Variants in RNFT2 observed in about 807,000 individuals in gnomAD.
The protein encoded by RNFT2 is E3 ubiquitin-protein ligase RNFT2.
RNFT2 carries 36 observed loss-of-function variants against 53.0 expected under a neutral mutation model. The ratio of observed to expected loss-of-function variants is 0.68; its 90% confidence interval spans 0.52 to 0.90. The LOEUF (loss-of-function observed/expected upper bound fraction) is 0.90, where lower values mean the gene tolerates loss of function less well. Among genes scored for constraint, RNFT2 ranks in the 40% least tolerant of loss-of-function variants. The probability of loss-of-function intolerance (pLI) is 0.00; values close to 1 mark genes in which losing one functional copy is unlikely to be tolerated. For missense variants in RNFT2, 514 were observed against 585.6 expected (o/e 0.88, Z 1.26); for synonymous variants, 260 against 253.2 (o/e 1.03, Z -0.26).
intron 7 of RNFT2, among the ~76,000 whole-genome samples, chr12:116,782,674 C>T (rs1393670937): frequency 6.6e-6 from 1 of 152,160 alleles, no homozygotes; most frequent in African/African-American, 2.4e-5. Context: ...ATTCCTTGTA[C>T]TTCACACTCA....
chr12:116,800,863 A>AAAATAAATAAAATAAAATAAAATAT (rs34964792), intron 7 of RNFT2, among the ~76,000 whole-genome samples: 1 of 42,586 alleles, frequency 2.3e-5, no homozygotes, highest in African/African-American at 5.0e-5. Context: ...TAAAATAAAA[A>AAAATAAATAAAATAAAATAAAATAT]CCATTTAACA....
rs374122339 is a variant in RNFT2, at chr12:116,780,029, T to A, written c.882+681T>A. 3.3e-5 allele frequency among the ~76,000 whole-genome samples: 5 copies of A among 151,914 alleles called. No homozygotes were observed. In the East Asian group the frequency reaches 5.8e-4, roughly 18 times the overall value. On this transcript the variant is annotated intron_variant, in intron 7 of 10. Transcript: ENST00000257575. ...CAGGTGGACTAAAGAGTGTTTGAAG[T>A]CTCCTGCTTTCCATTCTGTAAAAAC...
At chr12:116,804,833 G>T (rs1280891541) in intron 7 of RNFT2, among the ~76,000 whole-genome samples, 1 of 152,150 alleles carries the variant, frequency 6.6e-6, no homozygotes, top group African/African-American at 2.4e-5. Flanking sequence ...CAGGCATGGT[G>T]GTACATGCCT....
intron 2 of RNFT2, 107 bp downstream of exon 2, chr12:116,740,628 G>A: frequency 9.7e-7 from 1 of 1,029,844 alleles, no homozygotes; most frequent in African/African-American, 1.6e-5. Flanking sequence ...GTAACACATG[G>A]GGAATCTGAA....
intron 5 of RNFT2, among the ~76,000 whole-genome samples, chr12:116,766,568 G>A (rs970832652): frequency 2.6e-5 from 4 of 152,132 alleles, no homozygotes; most frequent in African/African-American, 7.2e-5. Context: ...AGTCTGCTGC[G>A]AACCATGGTG....
rs1877983900 is a variant in RNFT2 at position 116,852,640 on chromosome 12, C to T, written c.*3192C>T. 1 of 1,614,024 alleles carries T rather than the reference C, an allele frequency of 6.2e-7. No homozygotes were observed. Among genetic ancestry groups the T allele is most frequent in the African/African-American group, 1.3e-5 (1 of 75,058 alleles). ...ACTGGTTTTTATCGGAAAGATCATC[C>T]TGCCTGCAGATGCTGTTGAAGGGGC... On this transcript the variant is annotated 3_prime_UTR_variant, in exon 11 of 11. Transcript: ENST00000257575.
At chr12:116,798,534 G>A (rs1395444580) in intron 7 of RNFT2, among the ~76,000 whole-genome samples, 1 of 152,068 alleles carries the variant, frequency 6.6e-6, no homozygotes, top group Non-Finnish European at 1.5e-5. Context: ...TGTAAAATGG[G>A]ATCATAATAG....
Position 116,741,036 on chromosome 12 carries a change from G to A in RNFT2, c.25G>A (p.Val9Met). Reference protein sequence around the residue: MWLFTVNQVLRKMQRRHSS... With the variant: MWLFTVNQMLRKMQRRHSS... ...GGCTCACCCATGTGTTGGGTTTTAG[G>A]TGTTAAGGAAGATGCAGAGACGCCA... Residue 9 changes from valine (V) to methionine (M), a missense_variant and splice_region_variant, in exon 3 of 11, where the codon GTG becomes ATG. Transcript: ENST00000257575. 6.2e-7 allele frequency: 1 copy of A among 1,610,236 alleles called. No homozygotes were observed. Among genetic ancestry groups the A allele is most frequent in the Non-Finnish European group, 8.5e-7 (1 of 1,178,188 alleles).
chr12:116,836,584 G>C (rs922086338), intron 10 of RNFT2, among the ~76,000 whole-genome samples: 3 of 152,022 alleles, frequency 2.0e-5, no homozygotes, highest in African/African-American at 7.2e-5. Context: ...ACCCCCTGTG[G>C]GTCAGTCACT....
At chr12:116,836,834 G>A (rs1876999642) in intron 10 of RNFT2, among the ~76,000 whole-genome samples, 1 of 152,066 alleles carries the variant, frequency 6.6e-6, no homozygotes, top group South Asian at 2.1e-4. Flanking sequence ...GGAAGCTGAG[G>A]CAGGAGAATT....
intron 10 of RNFT2, among the ~76,000 whole-genome samples, chr12:116,841,858 AAT>A (rs1381874005): frequency 4.1e-5 from 1 of 24,452 alleles, no homozygotes; most frequent in East Asian, 7.5e-4. Context: ...TATATATAAA[AAT>A]ATATATATAA....
rs10637816 is a variant in RNFT2 at position 116,745,173 on chromosome 12, A to ATTTT, written c.83+4095_83+4098dup. Among the ~76,000 whole-genome samples, 19 of 125,038 alleles carry ATTTT rather than the reference A, an allele frequency of 1.5e-4. 1 individual carries two copies. The highest frequency in any genetic ancestry group is 2.6e-4 in the Admixed American group (3 of 11,530). 82.0% of individuals were successfully genotyped at this position (125,038 alleles called of 152,430 possible). On this transcript the variant is annotated intron_variant, in intron 3 of 10. Transcript: ENST00000257575. Reference sequence around the variant, plus strand: ...TCGTGAGTTTCCTCCATTGCACCAGATTTTTTTTTTTTTTTTTTTGAGATA... The same window carrying ATTTT: ...TCGTGAGTTTCCTCCATTGCACCAGATTTTTTTTTTTTTTTTTTTTTTTGAGATA...
intron 7 of RNFT2, among the ~76,000 whole-genome samples, chr12:116,802,399 C>T (rs973501783): frequency 1.3e-5 from 2 of 152,150 alleles, no homozygotes; most frequent in Non-Finnish European, 2.9e-5. Context: ...TGGAAACCAG[C>T]CATGCCCATT....
Position 116,833,884 on chromosome 12 carries a change from C to G in RNFT2, c.975C>G (p.Asp325Glu), listed in dbSNP as rs376955759. The G allele has an allele frequency of 4.2e-5, 68 of 1,613,194 alleles. No individual in the cohort carries two copies. The highest frequency in any genetic ancestry group is 5.3e-5 in the Non-Finnish European group (63 of 1,179,638). ...QLWYKYIMGD[D>E]SSNSYFLGGV... Reference sequence around the variant, plus strand: ...GGTACAAATACATCATGGGTGACGACTCCTCCAACAGCTACTTCCTGGGCG... The same window carrying G: ...GGTACAAATACATCATGGGTGACGAGTCCTCCAACAGCTACTTCCTGGGCG... Residue 325 changes from aspartate to glutamate, a missense_variant, in exon 8 of 11, where the codon GAC (aspartate) becomes GAG (glutamate). By Grantham distance (45) the Asp-to-Glu change is conservative. Around this residue, in one of 3 missense-constraint regions of RNFT2, gnomAD observed 273 missense variants for 334.4 expected, o/e 0.82. Transcript: ENST00000257575.
chr12:116,805,984 A>G (rs1209159924), intron 7 of RNFT2, among the ~76,000 whole-genome samples: 2 of 152,238 alleles, frequency 1.3e-5, no homozygotes, highest in East Asian at 1.9e-4. Flanking sequence ...ACTAAATACT[A>G]CAGCCTAGCT....
At chr12:116,828,410 C>G (rs1189224177) in intron 7 of RNFT2, among the ~76,000 whole-genome samples, 1 of 152,162 alleles carries the variant, frequency 6.6e-6, no homozygotes, top group Non-Finnish European at 1.5e-5. Context: ...GATAACTTCT[C>G]TTAGACTTTG....
At chr12:116,826,719 C>T (rs1876358171) in intron 7 of RNFT2, among the ~76,000 whole-genome samples, 1 of 152,172 alleles carries the variant, frequency 6.6e-6, no homozygotes, top group Admixed American at 6.5e-5. Context: ...AACTCTCCTC[C>T]ATCAGCAAAC....
chr12:116,788,097 T>G (rs1366656906), intron 7 of RNFT2, among the ~76,000 whole-genome samples: 2 of 152,124 alleles, frequency 1.3e-5, no homozygotes, highest in African/African-American at 4.8e-5. Context: ...CCAGCTAATT[T>G]TATATTTTTA....
chr12:116,783,645 A>T (rs1284386266), intron 7 of RNFT2, among the ~76,000 whole-genome samples: 1 of 152,216 alleles, frequency 6.6e-6, no homozygotes, highest in African/African-American at 2.4e-5. Context: ...GGAACCCAGG[A>T]TGGGAAGGAG....
Sources: gnomAD v4.1 joint callset for allele counts (sites outside exome capture counted in the v4.1 genomes callset) on GRCh38, gnomAD v4.1.1 for gene constraint, gnomAD v4.1.1 regional missense constraint, MANE v1.5 for transcripts, NCBI Gene and HGNC (gene_info 2026-07-23, HGNC 2026-07-21) for gene names.